KCNT1: variants seen among roughly 807,000 people sequenced by gnomAD.
The protein encoded by KCNT1 is potassium channel subfamily T member 1.
In KCNT1, 78 loss-of-function variants were observed where a neutral mutation model predicts 147.8. That is an observed-to-expected ratio of 0.53 (90% confidence interval 0.44 to 0.64). The LOEUF (loss-of-function observed/expected upper bound fraction) is 0.64, where lower values mean the gene tolerates loss of function less well. Among genes scored for constraint, KCNT1 ranks in the 30% least tolerant of loss-of-function variants. The pLI is 0.00. For missense variants in KCNT1, 1,419 were observed against 1,750.3 expected (o/e 0.81, Z 3.38); for synonymous variants, 867 against 748.8 (o/e 1.16, Z -2.58).
At chr9:135,750,357 G>A (rs1340572588) in intron 3 of KCNT1, among the ~76,000 whole-genome samples, 180 bp downstream of exon 3, 1 of 152,110 alleles carries the variant, frequency 6.6e-6, no homozygotes, top group Non-Finnish European at 1.5e-5. Context: ...TGGTGAGTGG[G>A]GCACAGGGTA....
rs192160444 is a variant in KCNT1 at position 135,714,007 on chromosome 9, C to T, written c.111-570C>T. 6.6e-6 allele frequency among the ~76,000 whole-genome samples: 1 copy of T among 152,228 alleles called. No individual in the cohort carries two copies. Among genetic ancestry groups the T allele is most frequent in the Non-Finnish European group, 1.5e-5 (1 of 68,000 alleles). On this transcript the variant is annotated intron_variant, in intron 1 of 30. Coordinates refer to ENST00000371757, the MANE Select transcript of KCNT1 (RefSeq NM_020822.3). This position sits in a 1 kb window ranked among gnomAD's most constrained non-coding sequence, Gnocchi z 6.2. ...GGTTCTGACCTGAGCTGAGCTGCTC[C>T]GCCTGGGGAGGCTGCAAACAAGGGT... is the stretch of plus-strand genomic sequence containing the variant.
intron 20 of KCNT1, among the ~76,000 whole-genome samples, chr9:135,776,897 G>C (rs953782150): frequency 6.6e-6 from 1 of 152,208 alleles, no homozygotes; most frequent in Non-Finnish European, 1.5e-5. Context: ...GCCTTCGCCT[G>C]CTCCAGTCTG....
intron 6 of KCNT1, among the ~76,000 whole-genome samples, chr9:135,756,315 C>T (rs983047843): frequency 1.3e-5 from 2 of 152,156 alleles, no homozygotes; most frequent in African/African-American, 2.4e-5. Context: ...TCTCTCCCTC[C>T]ACTGACCCAT....
At chr9:135,765,006 G>GT in intron 11 of KCNT1, 25 bp from the exon 12 acceptor site, 1 of 1,594,232 alleles carries the variant, frequency 6.3e-7, no homozygotes. Flanking sequence ...CTGGTCGCTG[G>GT]TGCTCACCTG....
intron 19 of KCNT1, among the ~76,000 whole-genome samples, chr9:135,773,946 C>T (rs186630019): frequency 6.0e-4 from 91 of 152,004 alleles, no homozygotes; most frequent in African/African-American, 2.2e-3. Context: ...GTGGGTTTTG[C>T]ATGTGGCTGA....
rs757867931 is a variant in KCNT1 at position 135,771,071 on chromosome 9, G to C, written c.1984G>C (p.Val662Leu). The C allele has an allele frequency of 3.7e-6, 6 of 1,611,542 alleles. No homozygotes were observed. The highest frequency in any genetic ancestry group is 4.2e-6 in the Non-Finnish European group (5 of 1,179,062). Reference sequence around the variant, plus strand: ...GCACGAGGGTCCGGCCCGCCTGCCCGTGCACAGCATCATCGCCTCCATGGG... The same window carrying C: ...GCACGAGGGTCCGGCCCGCCTGCCCCTGCACAGCATCATCGCCTCCATGGG... ...GLHEGPARLPVHSIIASMGTV... is the reference protein window; with the variant it reads ...GLHEGPARLPLHSIIASMGTV... The change falls in exon 18 of 31, where the codon GTG (valine) becomes CTG (leucine). Residue 662 changes from valine (V) to leucine (L), a missense_variant. Physicochemically the swap from Val to Leu is conservative, Grantham distance 32. This residue lies in a region of KCNT1 where 284 missense variants were observed against 292.8 expected (regional missense o/e 0.97). Transcript: ENST00000371757.
At chr9:135,739,314 G>T (rs1162497201) in intron 2 of KCNT1, among the ~76,000 whole-genome samples, 11 of 152,056 alleles carry the variant, frequency 7.2e-5, no homozygotes, top group Non-Finnish European at 1.3e-4. Context: ...TCCTGCCACT[G>T]TGCCCAGCAC....
chr9:135,765,919 G>A (rs1207514823), intron 13 of KCNT1, among the ~76,000 whole-genome samples, 159 bp downstream of exon 13: 1 of 152,212 alleles, frequency 6.6e-6, no homozygotes, highest in Non-Finnish European at 1.5e-5. Context: ...GACTGTCCAG[G>A]GTGGATCGTC....
In KCNT1 at chr9:135,735,490, C is replaced by T. The variant is rs569380654; in HGVS notation, c.255-14608C>T. Among the ~76,000 whole-genome samples the T allele has an allele frequency of 5.3e-5, 8 of 152,206 alleles. No homozygotes were observed. In the South Asian group the frequency reaches 1.2e-3, roughly 24 times the overall value. On this transcript the variant is annotated intron_variant, in intron 2 of 30. Coordinates refer to ENST00000371757, the MANE Select transcript of KCNT1 (RefSeq NM_020822.3). ...GTTGGCCACCCAGGCCCCTGTGGCA[C>T]GGGTGCATGGAGGCCTAGTGAGGTC...
chr9:135,791,410 CAT>C, intron 29 of KCNT1: 1 of 235,684 alleles, frequency 4.2e-6, no homozygotes, highest in Non-Finnish European at 8.4e-6. Context: ...TAGATGAAGG[CAT>C]GCATGCATGT....
chr9:135,758,756 G>A (rs1831692062), intron 10 of KCNT1, among the ~76,000 whole-genome samples: 2 of 152,234 alleles, frequency 1.3e-5, no homozygotes, highest in African/African-American at 4.8e-5. Context: ...CCCAGATCTG[G>A]CTTCCTGGTC....
intron 24 of KCNT1, among the ~76,000 whole-genome samples, chr9:135,782,689 G>A (rs755202421): frequency 2.0e-5 from 3 of 152,218 alleles, no homozygotes; most frequent in Non-Finnish European, 4.4e-5. Flanking sequence ...CTCTGGCCCT[G>A]TCGTGGTTCT....
At chr9:135,734,885 G>A (rs1588283870) in intron 2 of KCNT1, among the ~76,000 whole-genome samples, 4 of 152,286 alleles carry the variant, frequency 2.6e-5, no homozygotes, top group Admixed American at 2.6e-4. Context: ...GGCCCTTTGT[G>A]CAGTCATGGC....
intron 3 of KCNT1, 64 bp from the exon 4 acceptor site, chr9:135,750,878 G>T (rs1450164620): frequency 4.1e-6 from 6 of 1,467,790 alleles, no homozygotes; most frequent in Non-Finnish European, 3.8e-6. Context: ...AGACCCGGGT[G>T]CAGGCCCTGC....
chr9:135,784,924 G>A, intron 27 of KCNT1, 35 bp downstream of exon 27: 3 of 1,603,684 alleles, frequency 1.9e-6, no homozygotes, highest in South Asian at 1.1e-5. Flanking sequence ...GACTGTGGCA[G>A]CCCCTGTCCT....
chr9:135,776,892 C>T (rs1018009619), intron 20 of KCNT1, among the ~76,000 whole-genome samples: 3 of 152,338 alleles, frequency 2.0e-5, no homozygotes, highest in East Asian at 1.9e-4. Flanking sequence ...TCTTGGCCTT[C>T]GCCTGCTCCA....
intron 2 of KCNT1, among the ~76,000 whole-genome samples, chr9:135,738,558 A>T (rs532497146): frequency 6.6e-6 from 1 of 152,112 alleles, no homozygotes; most frequent in African/African-American, 2.4e-5. Flanking sequence ...AGCTGCCTTC[A>T]TGGGCCAGCC....
chr9:135,744,086 C>T (rs12683679), intron 2 of KCNT1, among the ~76,000 whole-genome samples: 20,461 of 152,298 alleles, frequency 0.13, 1,559 homozygotes, highest in South Asian at 0.17. Flanking sequence ...AGAGGCAGCT[C>T]GGACCTCGGC....
Position 135,769,960 on chromosome 9 carries a change from TGAG to T in KCNT1, c.1531_1533del (p.Glu511del), listed in dbSNP as rs1423483871. On this transcript the variant is annotated inframe_deletion, in exon 16 of 31. Coordinates refer to ENST00000371757, the MANE Select transcript of KCNT1 (RefSeq NM_020822.3). ...CACTGCCCGCAGACCACGTGGTGTGTGAGGAGGAGTGCAAGTACGCCATGCTGG... is the reference window on the plus strand; with the variant it reads ...CACTGCCCGCAGACCACGTGGTGTGTGAGGAGTGCAAGTACGCCATGCTGG... 5.2e-6 allele frequency: 8 copies of T among 1,552,358 alleles called. No individual in the cohort carries two copies. The highest frequency in any genetic ancestry group is 2.7e-5 in the African/African-American group (2 of 73,088).
Sources: gnomAD v4.1 joint callset for allele counts (sites outside exome capture counted in the v4.1 genomes callset) on GRCh38, gnomAD v4.1.1 for gene constraint, gnomAD v4.1.1 regional missense constraint, Gnocchi (gnomAD v3.1) non-coding constraint, MANE v1.5 for transcripts, NCBI Gene and HGNC (gene_info 2026-07-23, HGNC 2026-07-21) for gene names.